The following PAM variants were observed in gnomAD, a reference collection of about 807,000 sequenced individuals.
PAM encodes peptidylglycine alpha-amidating monooxygenase.
PAM carries 72 observed loss-of-function variants against 122.1 expected under a neutral mutation model. The ratio of observed to expected loss-of-function variants is 0.59; its 90% CI spans 0.49 to 0.72. The LOEUF (loss-of-function observed/expected upper bound fraction) is 0.72. Ranked by LOEUF, PAM falls within the 30% of genes least tolerant of loss-of-function variation. PAM has a pLI of 0.00. For missense variants in PAM, 1,106 were observed against 1,183.7 expected (o/e 0.93, Z 0.96); for synonymous variants, 389 against 404.4 (o/e 0.96, Z 0.46).
intron 23 of PAM, among the ~76,000 whole-genome samples, chr5:103,024,442 C>A (rs1028282749): frequency 3.3e-5 from 5 of 152,150 alleles, no homozygotes; most frequent in Non-Finnish European, 7.4e-5. Flanking sequence ...TACAGTTCAT[C>A]TGTCTGTACT....
rs140013854 is a variant in PAM, at chr5:103,005,242, G to C, written c.1803+16G>C. ...TCTCCATCAGGTAGTCTTCCTTTTG[G>C]TAATATTCAAATTAGAAGCTAACAG... is the stretch of plus-strand genomic sequence containing the variant. On this transcript the variant is annotated intron_variant, in intron 18 of 25. Coordinates refer to ENST00000438793, the MANE Select transcript of PAM (RefSeq NM_001177306.2). The C allele has an allele frequency of 1.8e-4, 199 of 1,076,898 alleles. No homozygotes were observed. In the African/African-American group the frequency reaches 2.9e-3, roughly 16 times the overall value. 66.7% of individuals were successfully genotyped at this position (1,076,898 alleles called of 1,614,324 possible). A position where few individuals can be genotyped will look rare whatever the true frequency, so the allele number is the denominator to read the frequency against.
chr5:102,920,536 A>G (rs1422052071), intron 5 of PAM, among the ~76,000 whole-genome samples: 1 of 152,080 alleles, frequency 6.6e-6, no homozygotes, highest in Non-Finnish European at 1.5e-5. Flanking sequence ...TGTCCATTGC[A>G]TTGAAGTTCA....
intron 15 of PAM, among the ~76,000 whole-genome samples, chr5:102,978,295 A>G (rs1768447968): frequency 6.6e-6 from 1 of 152,208 alleles, no homozygotes; most frequent in East Asian, 1.9e-4. Flanking sequence ...TGATATTTGC[A>G]TGTGATATAT....
In PAM at chr5:102,781,645, G is replaced by A. The variant is rs571300293; in HGVS notation, c.-374+26297G>A. On this transcript the variant is annotated intron_variant, in intron 1 of 25. Transcript: ENST00000438793. Reference sequence around the variant, plus strand: ...ATTTTTAGCTTTCTGCAAGCTCTAAGTCTTGATAGGAAATAAAAGACAAAA... The same window carrying A: ...ATTTTTAGCTTTCTGCAAGCTCTAAATCTTGATAGGAAATAAAAGACAAAA... Among the ~76,000 whole-genome samples the A allele has an allele frequency of 2.0e-5, 3 of 152,218 alleles. No individual in the cohort carries two copies. The East Asian group carries it at 5.8e-4, about 29-fold the overall frequency.
intron 3 of PAM, among the ~76,000 whole-genome samples, chr5:102,898,558 T>C (rs986083690): frequency 2.6e-5 from 4 of 151,772 alleles, no homozygotes; most frequent in African/African-American, 9.6e-5. Flanking sequence ...TCAAATAACT[T>C]TGCAGAAACA....
chr5:102,782,585 A>G (rs887316553), intron 1 of PAM, among the ~76,000 whole-genome samples: 7 of 152,232 alleles, frequency 4.6e-5, no homozygotes, highest in Non-Finnish European at 8.8e-5. Flanking sequence ...GAAAGTGAAA[A>G]TCACGTCATA....
chr5:102,795,189 C>CAAAAAAAAAAAAAA (rs33988105), intron 1 of PAM, among the ~76,000 whole-genome samples: 31 of 59,650 alleles, frequency 5.2e-4, no homozygotes, highest in African/African-American at 1.8e-3. Flanking sequence ...GACAATGTCT[C>CAAAAAAAAAAAAAA]AAAAAAAAAA....
rs200021768 is a variant in PAM, at chr5:102,998,753, AAAG to A, written c.1614-4278_1614-4276del. On this transcript the variant is annotated intron_variant, in intron 16 of 25. Transcript: ENST00000438793. ...ATCTTAACTAAAATTTCCATTAAAA[AAAG>A]AGGGGGAAAGGTTTTAACTCTTAAT... 2.2e-3 allele frequency among the ~76,000 whole-genome samples: 341 copies of A among 152,330 alleles called. 1 individual carries two copies. The highest frequency in any genetic ancestry group is 7.7e-3 in the African/African-American group (322 of 41,582).
intron 16 of PAM, among the ~76,000 whole-genome samples, chr5:103,001,238 T>A (rs1370730902): frequency 6.6e-6 from 1 of 152,132 alleles, no homozygotes; most frequent in Non-Finnish European, 1.5e-5. Context: ...GTAAATAAAT[T>A]CATATTGAAA....
Position 103,005,211 on chromosome 5 carries a change from C to T in PAM, c.1788C>T (p.Asp596=), listed in dbSNP as rs769411157. ...IDKDGNYWVT[D]VALHQVFKLD... The stretch of plus-strand genomic sequence containing the variant: ...AAGATGGGAATTATTGGGTCACAGA[C>T]GTGGCTCTCCATCAGGTAGTCTTCC... The change falls in exon 18 of 26, where the codon GAC becomes GAT. Residue 596 remains aspartate (D), a synonymous_variant. Coordinates refer to ENST00000438793, the MANE Select transcript of PAM (RefSeq NM_001177306.2). 27 of 1,411,992 alleles carry T rather than the reference C, an allele frequency of 1.9e-5. No individual in the cohort carries two copies. The highest frequency in any genetic ancestry group is 1.7e-4 in the Admixed American group (10 of 59,672). The allele number at this position is 1,411,992 out of a possible 1,614,324, so 87.5% of individuals were successfully genotyped here.
chr5:102,968,185 G>A (rs975943717), intron 14 of PAM, among the ~76,000 whole-genome samples: 1 of 152,106 alleles, frequency 6.6e-6, no homozygotes, highest in African/African-American at 2.4e-5. Context: ...CTCAGAAGAT[G>A]GTTAATTTAA....
At chr5:102,768,606 C>G (rs1434598422) in intron 1 of PAM, among the ~76,000 whole-genome samples, 2 of 152,094 alleles carry the variant, frequency 1.3e-5, no homozygotes, top group African/African-American at 4.8e-5. Context: ...CTTTCTGTGC[C>G]TGGCTTATTT....
intron 23 of PAM, among the ~76,000 whole-genome samples, chr5:103,022,872 T>C (rs1420875437): frequency 6.6e-6 from 1 of 152,170 alleles, no homozygotes; most frequent in Admixed American, 6.5e-5. Context: ...TAACTATTGT[T>C]TTAGGCATTT....
intron 7 of PAM, among the ~76,000 whole-genome samples, chr5:102,938,040 C>T (rs780981667): frequency 6.6e-6 from 1 of 152,092 alleles, no homozygotes; most frequent in Non-Finnish European, 1.5e-5. Flanking sequence ...GAATTGTAAT[C>T]GGATATTCTT....
At chr5:103,008,242 TTAAA>T (rs1779619768) in intron 20 of PAM, among the ~76,000 whole-genome samples, 1 of 151,824 alleles carries the variant, frequency 6.6e-6, no homozygotes, top group Admixed American at 6.6e-5. Flanking sequence ...CATATTTTCT[TTAAA>T]TAATGAAAAT....
chr5:102,961,277 C>T (rs1460919227), intron 14 of PAM, 48 bp downstream of exon 14: 1 of 1,006,020 alleles, frequency 9.9e-7, no homozygotes, highest in Non-Finnish European at 1.6e-6. Context: ...TATCAATTTC[C>T]AAGTAGGCAA....
intron 1 of PAM, among the ~76,000 whole-genome samples, chr5:102,850,320 C>T (rs1276089496): frequency 1.3e-5 from 2 of 152,212 alleles, no homozygotes; most frequent in African/African-American, 4.8e-5. Flanking sequence ...TATTGAAATT[C>T]ATATTCTGTC....
intron 16 of PAM, among the ~76,000 whole-genome samples, chr5:102,996,143 T>A (rs1302938044): frequency 6.6e-6 from 1 of 152,168 alleles, no homozygotes; most frequent in Admixed American, 6.6e-5. Flanking sequence ...AACTGTTTGA[T>A]TAGCTGCTAA....
intron 1 of PAM, among the ~76,000 whole-genome samples, chr5:102,838,779 G>A (rs1208072408): frequency 1.3e-5 from 2 of 152,144 alleles, no homozygotes; most frequent in Non-Finnish European, 2.9e-5. Context: ...CATATATCAT[G>A]AATGTCTAAT....
Sources: gnomAD v4.1 joint callset for allele counts (sites outside exome capture counted in the v4.1 genomes callset) on GRCh38, gnomAD v4.1.1 for gene constraint, MANE v1.5 for transcripts, NCBI Gene and HGNC (gene_info 2026-07-23, HGNC 2026-07-21) for gene names.